The following FCRL2 variants were observed in gnomAD, a reference collection of about 807,000 sequenced individuals.
The protein encoded by FCRL2 is Fc receptor-like protein 2.
FCRL2 carries 48 observed loss-of-function variants against 59.8 expected under a neutral mutation model. That is an observed-to-expected ratio of 0.80 (90% confidence interval 0.64 to 1.02). The LOEUF is 1.02. Ranked by LOEUF, FCRL2 falls within the 50% of genes least tolerant of loss-of-function variation. The pLI is 0.00. For synonymous variants in FCRL2, 251 were observed against 229.5 expected, an observed-to-expected ratio of 1.09 and a Z score of -0.85; for missense variants, 658 against 597.3, an observed-to-expected ratio of 1.10 and a Z score of -1.06.
At chr1:157,763,984 C>T (rs929316359) in intron 7 of FCRL2, among the ~76,000 whole-genome samples, 1 of 147,134 alleles carries the variant, frequency 6.8e-6, no homozygotes, top group Non-Finnish European at 1.5e-5. Context: ...GAGCCGATAT[C>T]GTGCCACTGC....
intron 7 of FCRL2, 139 bp from the exon 8 acceptor site, chr1:157,749,816 G>T: frequency 1.9e-6 from 1 of 539,530 alleles, no homozygotes; most frequent in Non-Finnish European, 3.3e-6. Context: ...CATCTAAATG[G>T]CTACTTATTT....
chr1:157,748,227 A>G (rs1008100125), intron 10 of FCRL2, among the ~76,000 whole-genome samples: 4 of 152,176 alleles, frequency 2.6e-5, no homozygotes, highest in Non-Finnish European at 2.9e-5. Context: ...GAATCCAGCC[A>G]TGGTGAAACC....
chr1:157,759,429 A>C (rs1432265724), intron 7 of FCRL2, among the ~76,000 whole-genome samples: 2 of 152,240 alleles, frequency 1.3e-5, no homozygotes, highest in Admixed American at 6.5e-5. Context: ...ATTGCAATAA[A>C]AACAAAAAAT....
At chr1:157,751,323 A>T (rs1366125353) in intron 7 of FCRL2, among the ~76,000 whole-genome samples, 1 of 152,244 alleles carries the variant, frequency 6.6e-6, no homozygotes, top group Admixed American at 6.5e-5. Context: ...AACTGGCAAG[A>T]GGCTAAGAGA....
intron 10 of FCRL2, 72 bp downstream of exon 10, chr1:157,748,481 G>A (rs1383373928): frequency 1.2e-5 from 8 of 667,144 alleles, no homozygotes; most frequent in South Asian, 3.3e-5. Context: ...AATAAATAAA[G>A]CCTCTATTGC....
At chr1:157,767,933 C>T (rs1649652722) in intron 5 of FCRL2, 5 of 317,184 alleles carry the variant, frequency 1.6e-5, no homozygotes, top group Admixed American at 4.6e-5. Context: ...GACTATAGGA[C>T]TGGGTTAGAA....
intron 7 of FCRL2, among the ~76,000 whole-genome samples, chr1:157,758,491 GA>G (rs1648766121): frequency 6.6e-6 from 1 of 151,904 alleles, no homozygotes; most frequent in Admixed American, 6.6e-5. Context: ...ACAAACAAAT[GA>G]AAAAATATTC....
chr1:157,773,778 A>G (rs1195426742), intron 2 of FCRL2, among the ~76,000 whole-genome samples: 1 of 152,192 alleles, frequency 6.6e-6, no homozygotes, highest in East Asian at 1.9e-4. Flanking sequence ...CAGAGGCCCT[A>G]GAAGGGGAGG....
In FCRL2 at chr1:157,770,448, A is replaced by C; in HGVS notation, c.271T>G (p.Trp91Gly). 1 of 1,614,078 alleles carries C rather than the reference A, an allele frequency of 6.2e-7. No homozygotes were observed. Among genetic ancestry groups the C allele is most frequent in the African/African-American group, 1.3e-5 (1 of 75,040 alleles). Residue 91 changes from tryptophan (W) to glycine (G), a missense_variant, in exon 3 of 12, where the codon TGG becomes GGG. By Grantham distance (184) the Trp-to-Gly change is radical (BLOSUM62 -2). Coordinates refer to ENST00000361516, the MANE Select transcript of FCRL2 (RefSeq NM_030764.4). ...FCSTKGQLFLWDKTSNIVKIK... is the reference protein window; with the variant it reads ...FCSTKGQLFLGDKTSNIVKIK... ...TTTACTATATTTGAAGTTTTATCCC[A>C]GAGAAAGAGTTGTCCTTTGGTACTA...
Position 157,758,397 on chromosome 1 carries a change from T to G in FCRL2, c.1279+8458A>C, listed in dbSNP as rs1571264611. 2.0e-5 allele frequency among the ~76,000 whole-genome samples: 3 copies of G among 151,588 alleles called. No homozygotes were observed. The South Asian group carries it at 6.2e-4, about 32-fold the overall frequency. ...ACTGGCTTGCACAAAAGGGAAAAAA[T>G]ACCTAGGAATACAACTAACCAACAA... On this transcript the variant is annotated intron_variant, in intron 7 of 11. Coordinates refer to ENST00000361516, the MANE Select transcript of FCRL2 (RefSeq NM_030764.4).
intron 2 of FCRL2, among the ~76,000 whole-genome samples, chr1:157,774,817 T>C (rs1650287701): frequency 6.6e-6 from 1 of 152,124 alleles, no homozygotes; most frequent in African/African-American, 2.4e-5. Context: ...CCATTCAAGG[T>C]GACAGCAGGA....
At chr1:157,762,912 C>T (rs1649210404) in intron 7 of FCRL2, among the ~76,000 whole-genome samples, 2 of 152,196 alleles carry the variant, frequency 1.3e-5, no homozygotes, top group African/African-American at 4.8e-5. Flanking sequence ...TTCATCACCA[C>T]TAGCCCAGCC....
chr1:157,764,028 T>TC (rs1649308353), intron 7 of FCRL2, among the ~76,000 whole-genome samples: 1 of 53,930 alleles, frequency 1.9e-5, no homozygotes. Context: ...AGACTTCATC[T>TC]CAAAAAAAAA....
chr1:157,770,670 G>T lies in FCRL2; in HGVS notation c.53-4C>A, dbSNP rs770839648. On this transcript the variant is annotated splice_region_variant and splice_polypyrimidine_tract_variant and intron_variant, in intron 2 of 11. Coordinates refer to ENST00000361516, the MANE Select transcript of FCRL2 (RefSeq NM_030764.4). ...GGCGCCACAAGGGTCAGCGAATCTG[G>T]AAGAGAAGGAGGGAAACCGGATTTG... 1.9e-6 allele frequency: 3 copies of T among 1,613,862 alleles called. No homozygotes were observed. The highest frequency in any genetic ancestry group is 8.5e-7 in the Non-Finnish European group (1 of 1,179,870).
chr1:157,750,852 C>T (rs1648131945), intron 7 of FCRL2, among the ~76,000 whole-genome samples: 1 of 152,074 alleles, frequency 6.6e-6, no homozygotes, highest in Non-Finnish European at 1.5e-5. Flanking sequence ...AAAAATAGTT[C>T]TACTATCTAA....
Position 157,770,104 on chromosome 1 carries a change from G to T in FCRL2, c.357C>A (p.Ile119=). The T allele has an allele frequency of 6.2e-7, 1 of 1,614,158 alleles. No homozygotes were observed. The change falls in exon 4 of 12, where the codon ATC becomes ATA. Residue 119 remains isoleucine, a synonymous_variant. Coordinates refer to ENST00000361516, the MANE Select transcript of FCRL2 (RefSeq NM_030764.4). ...ATTTCAGGCTCACTGGACCCCCTTC[G>T]ATGGGCTGGAAGGAGCTGGCAGTCA... ...PVLTASSFQP[I]EGGPVSLKCE...
At chr1:157,765,713 A>C in intron 7 of FCRL2, among the ~76,000 whole-genome samples, 1 of 152,218 alleles carries the variant, frequency 6.6e-6, no homozygotes. Flanking sequence ...GTGGAAATTT[A>C]AAAAATATGG....
chr1:157,777,083 A>G lies in FCRL2; in HGVS notation c.-10T>C. ...ATGACCACAGCAGCATGAGGACCTAATCCAGCTATTTGAAAAGAGATGTAC... is the reference window on the plus strand; with the variant it reads ...ATGACCACAGCAGCATGAGGACCTAGTCCAGCTATTTGAAAAGAGATGTAC... On this transcript the variant is annotated 5_prime_UTR_variant, in exon 1 of 12. Coordinates refer to ENST00000361516, the MANE Select transcript of FCRL2 (RefSeq NM_030764.4). The G allele has an allele frequency of 6.2e-7, 1 of 1,614,190 alleles. No individual in the cohort carries two copies. Among genetic ancestry groups the G allele is most frequent in the Non-Finnish European group, 8.5e-7 (1 of 1,180,016 alleles).
chr1:157,761,231 G>T (rs1397690623), intron 7 of FCRL2, among the ~76,000 whole-genome samples: 1 of 152,196 alleles, frequency 6.6e-6, no homozygotes, highest in Non-Finnish European at 1.5e-5. Flanking sequence ...AGGCATAGTA[G>T]TCAGGCAGAT....
Sources: gnomAD v4.1 joint callset for allele counts (sites outside exome capture counted in the v4.1 genomes callset) on GRCh38, gnomAD v4.1.1 for gene constraint, MANE v1.5 for transcripts, NCBI Gene and HGNC (gene_info 2026-07-23, HGNC 2026-07-21) for gene names.